The following MYO16 variants were observed in gnomAD, a reference collection of about 807,000 sequenced individuals.
MYO16 encodes the protein myosin XVI.
In MYO16, 94 loss-of-function variants were observed where a neutral mutation model predicts 205.3. The ratio of observed to expected loss-of-function variants is 0.46; its 90% CI spans 0.39 to 0.54. The LOEUF is 0.54. Among genes scored for constraint, MYO16 ranks in the 20% least tolerant of loss-of-function variants. The probability of loss-of-function intolerance (pLI) is 0.00; values close to 1 mark genes in which losing one functional copy is unlikely to be tolerated. For missense variants in MYO16, 2,315 were observed against 2,387.5 expected (o/e 0.97, Z 0.63); for synonymous variants, 988 against 954.0 (o/e 1.04, Z -0.66).
intron 20 of MYO16, among the ~76,000 whole-genome samples, chr13:108,977,776 C>T (rs1247364233): frequency 6.6e-6 from 1 of 152,044 alleles, no homozygotes; most frequent in Non-Finnish European, 1.5e-5. Context: ...GCTTTAATTA[C>T]TTCTCATAAG....
At chr13:108,724,774 T>G (rs1363770989) in intron 3 of MYO16, among the ~76,000 whole-genome samples, 1 of 152,196 alleles carries the variant, frequency 6.6e-6, no homozygotes, top group Non-Finnish European at 1.5e-5. Flanking sequence ...TATTATGTTT[T>G]CATTTCTCCC....
At chr13:108,651,573 G>A (rs79897459) in intron 1 of MYO16, among the ~76,000 whole-genome samples, 6,842 of 152,156 alleles carry the variant, frequency 0.045, 184 homozygotes, top group South Asian at 0.13. Context: ...CCATTTTAAA[G>A]AGAAAATACT....
At chr13:109,199,992 TA>T (rs1446594961) in intron 34 of MYO16, among the ~76,000 whole-genome samples, 3 of 152,230 alleles carry the variant, frequency 2.0e-5, no homozygotes, top group Non-Finnish European at 2.9e-5. Context: ...TTTGCTATTC[TA>T]AAATTTTAAA....
At chr13:108,770,564 C>T (rs775087381) in intron 4 of MYO16, among the ~76,000 whole-genome samples, 2 of 152,156 alleles carry the variant, frequency 1.3e-5, no homozygotes, top group Non-Finnish European at 2.9e-5. Context: ...ATCATGGCTG[C>T]TTGCCTTTTC....
intron 4 of MYO16, among the ~76,000 whole-genome samples, chr13:108,743,258 A>G (rs1472578642): frequency 6.6e-6 from 1 of 152,190 alleles, no homozygotes; most frequent in African/African-American, 2.4e-5. Context: ...TCTTATTGAA[A>G]AAAACATTTG....
the MYO16 span, among the ~76,000 whole-genome samples, chr13:108,517,959 CTTCATGAGGGTGGA>C: frequency 6.6e-6 from 1 of 152,166 alleles, no homozygotes; most frequent in Admixed American, 6.5e-5. Context: ...CACTAAACCT[CTTCATGAGGGTGGA>C]ACCCTCATGA....
rs578253517 is a variant in MYO16 at position 108,597,149 on chromosome 13, C to T, written c.-39+910C>T. 2.8e-4 allele frequency among the ~76,000 whole-genome samples: 42 copies of T among 152,232 alleles called. 1 individual carries two copies. The highest frequency in any genetic ancestry group is 9.9e-4 in the African/African-American group (41 of 41,558). On this transcript the variant is annotated intron_variant, in intron 1 of 24. Coordinates refer to the MYO16 transcript ENST00000251041. ...TGCTTCCTTTACTCAGATGTTAGTT[C>T]TTCATATGCGTTATTTCACTACATG...
chr13:108,642,803 T>C (rs1880568067), intron 1 of MYO16, among the ~76,000 whole-genome samples: 1 of 152,146 alleles, frequency 6.6e-6, no homozygotes, highest in East Asian at 1.9e-4. Context: ...TTTCTATCAT[T>C]TAAAAAATAA....
chr13:108,622,106 C>T (rs1344947785), intron 1 of MYO16, among the ~76,000 whole-genome samples: 2 of 152,094 alleles, frequency 1.3e-5, no homozygotes, highest in Non-Finnish European at 2.9e-5. Context: ...CATGGGTAAA[C>T]ATGGCATAAT....
At chr13:109,183,606 G>A (rs1237944078) in intron 34 of MYO16, among the ~76,000 whole-genome samples, 1 of 152,104 alleles carries the variant, frequency 6.6e-6, no homozygotes, top group African/African-American at 2.4e-5. Flanking sequence ...CTTCTCAGCA[G>A]TCTGCTCTCC....
At chr13:108,797,010 T>C (rs950927006) in intron 6 of MYO16, among the ~76,000 whole-genome samples, 1 of 152,152 alleles carries the variant, frequency 6.6e-6, no homozygotes, top group Non-Finnish European at 1.5e-5. Context: ...AGGAGGCTTT[T>C]CCAGTAATCT....
chr13:108,532,005 G>A, the MYO16 span, among the ~76,000 whole-genome samples: 1 of 152,028 alleles, frequency 6.6e-6, no homozygotes, highest in Admixed American at 6.6e-5. Flanking sequence ...TTAGGGGTTC[G>A]AGACCAGCCT....
At chr13:109,087,776 T>A (rs1003393279) in intron 27 of MYO16, among the ~76,000 whole-genome samples, 6 of 152,260 alleles carry the variant, frequency 3.9e-5, no homozygotes, top group Admixed American at 3.9e-4. Context: ...TTTAATTTTC[T>A]GTCCCTCCTG....
intron 27 of MYO16, among the ~76,000 whole-genome samples, chr13:109,073,311 C>T (rs551608405): frequency 7.3e-5 from 11 of 151,506 alleles, no homozygotes; most frequent in African/African-American, 2.2e-4. Context: ...CAGAGTTTCA[C>T]CATGTTGGCC....
intron 17 of MYO16, among the ~76,000 whole-genome samples, chr13:108,958,789 T>TC (rs1883475658): frequency 6.6e-6 from 1 of 152,212 alleles, no homozygotes; most frequent in South Asian, 2.1e-4. Flanking sequence ...AATCTCTATT[T>TC]CCCAGAGGCA....
chr13:108,660,025 C>T (rs74398296), intron 1 of MYO16, among the ~76,000 whole-genome samples: 4,050 of 152,130 alleles, frequency 0.027, 76 homozygotes, highest in Middle Eastern at 0.051. Flanking sequence ...TCACTTGAGG[C>T]CAGGAGTTTG....
chr13:109,124,448 C>T (rs1035195172), intron 29 of MYO16, among the ~76,000 whole-genome samples: 14 of 152,120 alleles, frequency 9.2e-5, no homozygotes, highest in South Asian at 2.1e-4. Flanking sequence ...AATTGAATGA[C>T]GCAATAGAGT....
chr13:109,100,154 GA>G (rs1471573935), intron 27 of MYO16, among the ~76,000 whole-genome samples: 1 of 152,158 alleles, frequency 6.6e-6, no homozygotes, highest in African/African-American at 2.4e-5. Flanking sequence ...TTAAATGGAT[GA>G]TGTAATTTTA....
intron 4 of MYO16, among the ~76,000 whole-genome samples, chr13:108,746,703 G>A (rs559914072): frequency 5.3e-5 from 8 of 151,978 alleles, no homozygotes; most frequent in South Asian, 4.2e-4. Flanking sequence ...AGAAAAGGGC[G>A]GAAGACATAT....
Sources: allele counts gnomAD v4.1 joint callset (sites outside exome capture counted in the v4.1 genomes callset), GRCh38; gene constraint gnomAD v4.1.1; transcripts MANE v1.5; gene names NCBI Gene and HGNC (gene_info 2026-07-23, HGNC 2026-07-21).